FBN2: variants seen among roughly 807,000 people sequenced by gnomAD.
FBN2 encodes the protein fibrillin-2.
A neutral mutation model predicts 355.6 loss-of-function variants in FBN2; 105 were observed. That is an observed-to-expected ratio of 0.30 (90% CI 0.25 to 0.35). The LOEUF (loss-of-function observed/expected upper bound fraction) is 0.35. Ranked by LOEUF, FBN2 falls within the 10% of genes least tolerant of loss-of-function variation. FBN2 has a pLI of 1.00. For synonymous variants in FBN2, 1,350 were observed against 1,301.2 expected, an observed-to-expected ratio of 1.04 and a Z score of -0.81; for missense variants, 3,280 against 3,758.7, an observed-to-expected ratio of 0.87 and a Z score of 3.33.
chr5:128,429,856 T>A (rs1156764310), intron 7 of FBN2, among the ~76,000 whole-genome samples: 1 of 152,292 alleles, frequency 6.6e-6, no homozygotes, highest in East Asian at 1.9e-4. Flanking sequence ...TTTCTAAGCC[T>A]ACAATTAAAT....
intron 7 of FBN2, among the ~76,000 whole-genome samples, chr5:128,435,168 C>T (rs1367393832): frequency 6.6e-6 from 1 of 152,120 alleles, no homozygotes; most frequent in Non-Finnish European, 1.5e-5. Flanking sequence ...TGGGTCTTAA[C>T]TCTCCATTGC....
At position 128,377,858 on chromosome 5, in the gene FBN2, C is replaced by T; in HGVS notation, c.1743G>A (p.Gln581=). ...GACCGTTTTTACAAAGAACCCCATT[C>T]TGGATGCACTCATCAATATCTAGGA... ...QACIDIDECI[Q]NGVLCKNGRC... Residue 581 remains glutamine (Q), a synonymous_variant, in exon 13 of 65, where the codon CAG becomes CAA. Transcript: ENST00000262464. The T allele has an allele frequency of 1.2e-6, 2 of 1,613,432 alleles. No individual in the cohort carries two copies. The highest frequency in any genetic ancestry group is 1.7e-6 in the Non-Finnish European group (2 of 1,179,504).
At chr5:128,282,656 CT>C (rs563402620) in intron 55 of FBN2, among the ~76,000 whole-genome samples, 61 of 152,142 alleles carry the variant, frequency 4.0e-4, no homozygotes, top group East Asian at 1.2e-3. Context: ...TTGCCTGATT[CT>C]TTTTTCTGTT....
chr5:128,277,851 C>T, intron 58 of FBN2, 29 bp downstream of exon 58: 1 of 1,613,836 alleles, frequency 6.2e-7, no homozygotes, highest in Non-Finnish European at 8.5e-7. Flanking sequence ...AGCCCCCAAA[C>T]CCCTGGATAT....
At chr5:128,310,394 ATATATATATTTTT>A (rs1442369875) in intron 39 of FBN2, among the ~76,000 whole-genome samples, 752 of 20,322 alleles carry the variant, frequency 0.037, 8 homozygotes, top group East Asian at 0.34. Flanking sequence ...ATATATATAT[ATATATATATTTTT>A]TTTTTTTTTT....
intron 7 of FBN2, among the ~76,000 whole-genome samples, chr5:128,430,607 G>A (rs1262258392): frequency 1.3e-5 from 2 of 152,118 alleles, no homozygotes; most frequent in South Asian, 2.1e-4. Flanking sequence ...ACTTTGGGAG[G>A]CTGAGGCGAG....
rs187765296 is a variant in FBN2 at position 128,431,013 on chromosome 5, A to G, written c.952+15468T>C. Among the ~76,000 whole-genome samples the G allele has an allele frequency of 2.0e-3, 303 of 152,356 alleles. 1 individual carries two copies. Among genetic ancestry groups the G allele is most frequent in the Non-Finnish European group, 3.5e-3 (238 of 68,036 alleles). ...ACATAGAACAACTGAAATGATTTGGATAATGTTGAGAGAATTTCATGTCTT... is the reference window on the plus strand; with the variant it reads ...ACATAGAACAACTGAAATGATTTGGGTAATGTTGAGAGAATTTCATGTCTT... On this transcript the variant is annotated intron_variant, in intron 7 of 64. Coordinates refer to ENST00000262464, the MANE Select transcript of FBN2 (RefSeq NM_001999.4).
rs527476568 is a variant in FBN2 at position 128,403,927 on chromosome 5, T to C, written c.1078+4747A>G. Among the ~76,000 whole-genome samples the C allele has an allele frequency of 9.2e-5, 14 of 152,252 alleles. 1 individual carries two copies. The South Asian group carries it at 2.7e-3, about 29-fold the overall frequency. ...ACTGTTTTCCAGCACACAAAAGAAA[T>C]AGGATCAAGTTTACTGATGCTTTGT... On this transcript the variant is annotated intron_variant, in intron 8 of 64. Coordinates refer to ENST00000262464, the MANE Select transcript of FBN2 (RefSeq NM_001999.4).
chr5:128,355,915 T>A (rs958528031), intron 20 of FBN2, among the ~76,000 whole-genome samples: 2 of 152,190 alleles, frequency 1.3e-5, no homozygotes, highest in Non-Finnish European at 2.9e-5. Context: ...CTTGTTTAGT[T>A]AATAAATATA....
intron 7 of FBN2, among the ~76,000 whole-genome samples, chr5:128,444,121 G>A (rs1211517950): frequency 2.2e-5 from 3 of 136,030 alleles, no homozygotes; most frequent in Non-Finnish European, 3.0e-5. Context: ...GCCGGACTGC[G>A]GACTGCAGTG....
chr5:128,344,510 T>A lies in FBN2; in HGVS notation c.3218A>T (p.Asp1073Val). ...DVLTGRPFYK[D>V]INECKAFPGM... Reference sequence around the variant, plus strand: ...AGGAAATGCTTTGCATTCATTGATGTCTAAAAGCAGAATGAAGCCAGAATG... The same window carrying A: ...AGGAAATGCTTTGCATTCATTGATGACTAAAAGCAGAATGAAGCCAGAATG... The change falls in exon 25 of 65, where the codon GAC (aspartate) becomes GTC (valine). Residue 1073 changes from aspartate (D) to valine (V), a missense_variant and splice_region_variant. Physicochemically the swap from Asp to Val is radical, Grantham distance 152. Transcript: ENST00000262464. 1 of 1,613,756 alleles carries A rather than the reference T, an allele frequency of 6.2e-7. No homozygotes were observed. Among genetic ancestry groups the A allele is most frequent in the Non-Finnish European group, 8.5e-7 (1 of 1,179,782 alleles).
chr5:128,326,285 T>C (rs1750544769), intron 34 of FBN2, among the ~76,000 whole-genome samples: 1 of 152,156 alleles, frequency 6.6e-6, no homozygotes, highest in African/African-American at 2.4e-5. Context: ...CAAAGTTTCG[T>C]AAGGTGGAGG....
chr5:128,347,694 A>C (rs1751221350), intron 23 of FBN2, among the ~76,000 whole-genome samples: 2 of 152,180 alleles, frequency 1.3e-5, no homozygotes, highest in Admixed American at 1.3e-4. Flanking sequence ...AGAATTAATT[A>C]ATATAGCATA....
At chr5:128,345,928 C>T (rs1215933206) in intron 23 of FBN2, among the ~76,000 whole-genome samples, 1 of 152,214 alleles carries the variant, frequency 6.6e-6, no homozygotes, top group African/African-American at 2.4e-5. Flanking sequence ...AGAATTGCTT[C>T]AAGTGCCTTT....
At chr5:128,373,423 A>G (rs1751999199) in intron 15 of FBN2, among the ~76,000 whole-genome samples, 1 of 152,246 alleles carries the variant, frequency 6.6e-6, no homozygotes, top group Non-Finnish European at 1.5e-5. Context: ...GACTGGATAG[A>G]GTGGATAAAT....
At chr5:128,524,457 T>C (rs1293282006) in intron 4 of FBN2, among the ~76,000 whole-genome samples, 1 of 152,212 alleles carries the variant, frequency 6.6e-6, no homozygotes, top group Non-Finnish European at 1.5e-5. Context: ...TTATCTTACC[T>C]ATTCACAGTA....
rs1455980935 is a variant in FBN2 at position 128,536,409 on chromosome 5, G to A, written c.330C>T (p.Cys110=). 6.2e-7 allele frequency: 1 copy of A among 1,613,858 alleles called. No individual in the cohort carries two copies. The highest frequency in any genetic ancestry group is 1.3e-5 in the African/African-American group (1 of 75,050). Reference sequence around the variant, plus strand: ...TCCCTGCCAAGCACTCACGGACAATGCACTGGTTTCCTCCAGGGAGCGTCT... The same window carrying A: ...TCCCTGCCAAGCACTCACGGACAATACACTGGTTTCCTCCAGGGAGCGTCT... The part of the protein sequence containing the change: ...GWKTLPGGNQ[C]IVPICRNSCG... The change falls in exon 2 of 65, where the codon TGC becomes TGT. Residue 110 remains cysteine (C), a synonymous_variant. Transcript: ENST00000262464.
intron 5 of FBN2, among the ~76,000 whole-genome samples, chr5:128,489,964 G>A (rs1755455528): frequency 6.6e-6 from 1 of 152,112 alleles, no homozygotes; most frequent in Non-Finnish European, 1.5e-5. Context: ...AGGCAGACCT[G>A]GGTTTAAATC....
At chr5:128,419,694 A>G (rs963369769) in intron 7 of FBN2, among the ~76,000 whole-genome samples, 1 of 151,986 alleles carries the variant, frequency 6.6e-6, no homozygotes, top group Non-Finnish European at 1.5e-5. Context: ...ACTGATGTAT[A>G]ATTTTTTTTG....
Sources: allele counts gnomAD v4.1 joint callset (sites outside exome capture counted in the v4.1 genomes callset), GRCh38; gene constraint gnomAD v4.1.1; transcripts MANE v1.5; gene names NCBI Gene and HGNC (gene_info 2026-07-23, HGNC 2026-07-21).